The following USP28 variants were observed in gnomAD, a reference collection of about 807,000 sequenced individuals.
USP28 encodes ubiquitin specific peptidase 28.
A neutral mutation model predicts 145.0 loss-of-function variants in USP28; 113 were observed. The observed-to-expected ratio is 0.78, with a 90% CI of 0.67 to 0.91. The LOEUF (loss-of-function observed/expected upper bound fraction) is 0.91, where lower values mean the gene tolerates loss of function less well. Among genes scored for constraint, USP28 ranks in the 40% least tolerant of loss-of-function variants. USP28 has a pLI of 0.00. For synonymous variants in USP28, 447 were observed against 450.9 expected (o/e 0.99, Z 0.11); for missense variants, 1,201 against 1,289.6 (o/e 0.93, Z 1.05).
At chr11:113,828,403 A>G (rs1943617004) in intron 10 of USP28, among the ~76,000 whole-genome samples, 1 of 152,222 alleles carries the variant, frequency 6.6e-6, no homozygotes, top group African/African-American at 2.4e-5. Flanking sequence ...ATTAGGAATC[A>G]GTTTTTCCTT....
At chr11:113,799,801 C>T (rs1437376268) in intron 24 of USP28, among the ~76,000 whole-genome samples, 1 of 152,112 alleles carries the variant, frequency 6.6e-6, no homozygotes, top group Admixed American at 6.5e-5. Context: ...CTGGGCCACA[C>T]ATGAACCTCA....
At position 113,862,085 on chromosome 11, in the gene USP28, G is replaced by C. The variant is rs185188707; in HGVS notation, c.58-7750C>G. Among the ~76,000 whole-genome samples, 1,231 of 152,284 alleles carry C rather than the reference G, an allele frequency of 8.1e-3. 12 individuals are homozygous for C. Among genetic ancestry groups the C allele is most frequent in the Middle Eastern group, 0.014 (4 of 294 alleles). On this transcript the variant is annotated intron_variant, in intron 1 of 24. Transcript: ENST00000003302. ...GAGATTGCTGGGTGTGGTGGCTCAC[G>C]CCTGTAATCCCAGCACTTTACGGGG...
intron 2 of USP28, 37 bp downstream of exon 2, chr11:113,854,221 T>C (rs2513590): frequency 0.082 from 129,034 of 1,574,740 alleles, 5,880 homozygotes; most frequent in Non-Finnish European, 0.091. Flanking sequence ...GACAGCTGCT[T>C]TAAAGCCTCC....
chr11:113,800,127 TC>T (rs2135031325), intron 24 of USP28, among the ~76,000 whole-genome samples: 1 of 152,060 alleles, frequency 6.6e-6, no homozygotes, highest in African/African-American at 2.4e-5. Flanking sequence ...TGCCTCAGCC[TC>T]CCAAGTAGCT....
At chr11:113,843,188 T>C (rs1945406869) in intron 3 of USP28, among the ~76,000 whole-genome samples, 1 of 151,998 alleles carries the variant, frequency 6.6e-6, no homozygotes, top group South Asian at 2.1e-4. Context: ...GCTGAGATTG[T>C]GTCACTATAC....
At chr11:113,827,488 T>C (rs1409937326) in intron 10 of USP28, 128 bp from the exon 11 acceptor site, 2 of 897,604 alleles carry the variant, frequency 2.2e-6, no homozygotes, top group African/African-American at 3.5e-5. Context: ...GGCAAACTCA[T>C]ACTAGAACTT....
chr11:113,841,488 G>A (rs1945186917), intron 4 of USP28, among the ~76,000 whole-genome samples, 175 bp downstream of exon 4: 1 of 152,144 alleles, frequency 6.6e-6, no homozygotes, highest in African/African-American at 2.4e-5. Flanking sequence ...ACCCCTTTCA[G>A]TTTCGCTTTT....
exon 24 of USP28, chr11:113,801,602 T>G (rs1939027940): frequency 6.2e-7 from 1 of 1,610,982 alleles, no homozygotes; most frequent in African/African-American, 1.3e-5. Context: ...GATCAGTTCA[T>G]TCATCACATT....
intron 11 of USP28, among the ~76,000 whole-genome samples, chr11:113,824,183 T>A (rs961375506): frequency 3.9e-5 from 6 of 152,150 alleles, no homozygotes; most frequent in African/African-American, 1.4e-4. Flanking sequence ...GAATTAGAGA[T>A]AAATTTAATC....
At chr11:113,852,461 T>G (rs772165240) in intron 3 of USP28, 40 bp downstream of exon 3, 2 of 1,611,586 alleles carry the variant, frequency 1.2e-6, no homozygotes, top group Non-Finnish European at 1.7e-6. Context: ...TATTTTCTGC[T>G]AGTTCAGCAA....
chr11:113,836,797 C>A (rs576370527), intron 5 of USP28, among the ~76,000 whole-genome samples: 1 of 152,238 alleles, frequency 6.6e-6, no homozygotes, highest in South Asian at 2.1e-4. Context: ...CAGAGTTGAT[C>A]AGTCTGCCAC....
exon 25 of USP28, chr11:113,798,066 G>GTTTTTTTTTTTTTTTTTTTTTTTTT (rs528048657): frequency 1.1e-5 from 1 of 91,236 alleles, no homozygotes. Flanking sequence ...ATGTATGCTG[G>GTTTTTTTTTTTTTTTTTTTTTTTTT]TTTTTTTTTT....
intron 1 of USP28, among the ~76,000 whole-genome samples, chr11:113,866,987 C>T (rs1359166173): frequency 2.0e-5 from 3 of 152,064 alleles, no homozygotes; most frequent in East Asian, 3.9e-4. Flanking sequence ...ATACATGCTA[C>T]AACTTGAACA....
intron 7 of USP28, among the ~76,000 whole-genome samples, 190 bp downstream of exon 7, chr11:113,833,230 C>T (rs150004964): frequency 2.4e-4 from 36 of 152,302 alleles, no homozygotes; most frequent in African/African-American, 7.2e-4. Context: ...GTGCAACACA[C>T]GCACACTCTC....
chr11:113,851,380 C>G (rs916534982), intron 3 of USP28, among the ~76,000 whole-genome samples: 2 of 152,194 alleles, frequency 1.3e-5, no homozygotes, highest in Admixed American at 1.3e-4. Context: ...CCATCCCTTT[C>G]GGCCCTCCTC....
intron 3 of USP28, among the ~76,000 whole-genome samples, chr11:113,845,917 A>G (rs558089339): frequency 6.6e-6 from 1 of 152,370 alleles, no homozygotes; most frequent in East Asian, 1.9e-4. Context: ...CCAAGTTCAC[A>G]GCAACACTAT....
intron 10 of USP28, 97 bp downstream of exon 10, chr11:113,829,100 G>A (rs1943692738): frequency 3.3e-6 from 5 of 1,524,416 alleles, no homozygotes; most frequent in African/African-American, 2.8e-5. Context: ...TAAGTGTAAA[G>A]TTACTTAATA....
At chr11:113,827,724 C>G (rs940709839) in intron 10 of USP28, among the ~76,000 whole-genome samples, 5 of 152,180 alleles carry the variant, frequency 3.3e-5, no homozygotes. Flanking sequence ...AACTTAACAG[C>G]TAGCCTAACT....
chr11:113,811,214 G>A (rs1424451015), intron 16 of USP28, among the ~76,000 whole-genome samples: 1 of 151,968 alleles, frequency 6.6e-6, no homozygotes, highest in East Asian at 1.9e-4. Context: ...TATCCAGCTG[G>A]AAAATGAAGA....
Sources: gnomAD v4.1 joint callset for allele counts (sites outside exome capture counted in the v4.1 genomes callset) on GRCh38, gnomAD v4.1.1 for gene constraint, MANE v1.5 for transcripts, NCBI Gene and HGNC (gene_info 2026-07-23, HGNC 2026-07-21) for gene names.